The following TFDP1 variants were observed in gnomAD, a reference collection of about 807,000 sequenced individuals.
The protein encoded by TFDP1 is transcription factor Dp-1.
A neutral mutation model predicts 48.0 loss-of-function variants in TFDP1; 6 were observed. The observed-to-expected ratio is 0.13, with a 90% CI of 0.07 to 0.25. The LOEUF is 0.25. Ranked by LOEUF, TFDP1 falls within the 10% of genes least tolerant of loss-of-function variation. The pLI is 1.00. For missense variants in TFDP1, 335 were observed against 543.0 expected, an observed-to-expected ratio of 0.62 and a Z score of 3.81; for synonymous variants, 201 against 211.6, an observed-to-expected ratio of 0.95 and a Z score of 0.44.
chr13:113,628,809 A>G (rs571142056), intron 4 of TFDP1, among the ~76,000 whole-genome samples: 2 of 152,126 alleles, frequency 1.3e-5, no homozygotes, highest in African/African-American at 4.8e-5. Flanking sequence ...GCTTCTGCCC[A>G]CACACGCCCT....
At chr13:113,612,903 G>C (rs1233389229) in intron 3 of TFDP1, among the ~76,000 whole-genome samples, 3 of 152,314 alleles carry the variant, frequency 2.0e-5, no homozygotes, top group East Asian at 1.9e-4. Context: ...CCGGCCCCCA[G>C]ATCCCTCCCA....
At chr13:113,620,371 C>T (rs1055820920) in intron 3 of TFDP1, among the ~76,000 whole-genome samples, 54 of 152,218 alleles carry the variant, frequency 3.5e-4, no homozygotes, top group African/African-American at 1.1e-3. Context: ...CGGAAAGAGC[C>T]GCCTGGGCTG....
intron 2 of TFDP1, among the ~76,000 whole-genome samples, chr13:113,588,345 C>T (rs2048055227): frequency 6.6e-6 from 1 of 152,174 alleles, no homozygotes; most frequent in African/African-American, 2.4e-5. Context: ...CTGGTAGTCA[C>T]CATGGAGGAG....
At chr13:113,601,797 G>T (rs1005122954) in intron 2 of TFDP1, among the ~76,000 whole-genome samples, 2 of 152,228 alleles carry the variant, frequency 1.3e-5, no homozygotes, top group African/African-American at 2.4e-5. Context: ...AGGAGTTGAT[G>T]GGGGAGCAGA....
intron 3 of TFDP1, among the ~76,000 whole-genome samples, chr13:113,620,448 T>C (rs937160939): frequency 6.6e-6 from 1 of 152,266 alleles, no homozygotes; most frequent in Non-Finnish European, 1.5e-5. Context: ...TTCACATTTA[T>C]TGAAATTAGA....
At chr13:113,606,858 G>C (rs1326803760) in intron 2 of TFDP1, among the ~76,000 whole-genome samples, 1 of 152,196 alleles carries the variant, frequency 6.6e-6, no homozygotes, top group African/African-American at 2.4e-5. Flanking sequence ...CACCAAGATA[G>C]GCGCTTACAG....
intron 2 of TFDP1, among the ~76,000 whole-genome samples, chr13:113,586,922 C>G (rs1410406665): frequency 6.6e-6 from 1 of 152,234 alleles, no homozygotes; most frequent in Non-Finnish European, 1.5e-5. Context: ...GTACCATGCC[C>G]TGACCTCGTG....
chr13:113,593,990 TG>T (rs1183699850), intron 2 of TFDP1, among the ~76,000 whole-genome samples: 1 of 123,682 alleles, frequency 8.1e-6, no homozygotes, highest in East Asian at 2.7e-4. Flanking sequence ...GTGCTGTGTG[TG>T]GGTCCTCACC....
chr13:113,637,283 T>C lies in TFDP1; in HGVS notation c.1007-535T>C. 3.0e-5 allele frequency: 8 copies of C among 268,284 alleles called. No individual in the cohort carries two copies. The South Asian group carries it at 3.1e-4, about 11-fold the overall frequency. 16.6% of individuals were successfully genotyped at this position (268,284 alleles called of 1,614,324 possible). A position where few individuals can be genotyped will look rare whatever the true frequency, so the allele number is the denominator to read the frequency against. On this transcript the variant is annotated intron_variant, in intron 10 of 11. Coordinates refer to ENST00000375370, the MANE Select transcript of TFDP1 (RefSeq NM_007111.5). ...GGTGTCATATCTGCTGATCCTTCTC[T>C]TGTTAGCCTAAACTTGGGGTGTAGA...
At position 113,640,785 on chromosome 13, in the gene TFDP1, T is replaced by G. The variant is rs1024526654; in HGVS notation, c.*518T>G. 5 of 160,980 alleles carry G rather than the reference T, an allele frequency of 3.1e-5. No individual in the cohort carries two copies. The highest frequency in any genetic ancestry group is 1.2e-4 in the African/African-American group (5 of 41,482). 10.0% of individuals were successfully genotyped at this position (160,980 alleles called of 1,614,324 possible). On this transcript the variant is annotated 3_prime_UTR_variant, in exon 12 of 12. Transcript: ENST00000375370. ...AACAGCCCCAAGCAAACAGCAGAAT[T>G]CAACTTTTTAAACAATAAACACCAT...
At chr13:113,637,590 T>A in intron 10 of TFDP1, 1 of 1,520,140 alleles carries the variant, frequency 6.6e-7, no homozygotes, top group Non-Finnish European at 8.8e-7. Context: ...TGTGCAGGTA[T>A]TTATTGCAAG....
At chr13:113,601,922 C>G (rs1420177487) in intron 2 of TFDP1, among the ~76,000 whole-genome samples, 1 of 133,784 alleles carries the variant, frequency 7.5e-6, no homozygotes, top group Non-Finnish European at 1.6e-5. Context: ...GAGCTACTCC[C>G]TCTGTAGCTC....
At chr13:113,634,460 G>T in intron 7 of TFDP1, 74 bp from the exon 8 acceptor site, 1 of 1,220,858 alleles carries the variant, frequency 8.2e-7, no homozygotes, top group South Asian at 1.3e-5. Context: ...GTGAGGATGT[G>T]AGGATGTGGG....
chr13:113,591,003 C>G (rs1303527420), intron 2 of TFDP1, among the ~76,000 whole-genome samples: 1 of 76,378 alleles, frequency 1.3e-5, no homozygotes, highest in Non-Finnish European at 2.3e-5. Flanking sequence ...GAGCGAGACT[C>G]TGTCTCAAAA....
At chr13:113,608,455 C>T (rs1180642032) in intron 2 of TFDP1, among the ~76,000 whole-genome samples, 1 of 152,188 alleles carries the variant, frequency 6.6e-6, no homozygotes, top group East Asian at 1.9e-4. Context: ...TCATCCTCCA[C>T]AGCTGGGACT....
Position 113,623,299 on chromosome 13 carries a change from C to T in TFDP1, c.186+13C>T. The T allele has an allele frequency of 6.3e-7, 1 of 1,596,732 alleles. No homozygotes were observed. The highest frequency in any genetic ancestry group is 1.1e-5 in the South Asian group (1 of 88,494). On this transcript the variant is annotated intron_variant, in intron 4 of 11. Transcript: ENST00000375370. This position sits in a 1 kb window ranked among gnomAD's most constrained non-coding sequence, Gnocchi z 5.2. ...TGCCCAGCAAGTGGTAAGCCTCCCG[C>T]AGGAGCGGACAGCCGGGATCTCGGT...
chr13:113,623,377 T>A lies in TFDP1; in HGVS notation c.186+91T>A. The A allele has an allele frequency of 7.8e-7, 1 of 1,277,694 alleles. No individual in the cohort carries two copies. The highest frequency in any genetic ancestry group is 1.1e-6 in the Non-Finnish European group (1 of 918,216). The allele number at this position is 1,277,694 out of a possible 1,614,324, so 79.1% of individuals were successfully genotyped here. On this transcript the variant is annotated intron_variant, in intron 4 of 11. Coordinates refer to ENST00000375370, the MANE Select transcript of TFDP1 (RefSeq NM_007111.5). The surrounding 1 kb of genome is among the most constrained non-coding windows in gnomAD (Gnocchi z 5.2). Reference sequence around the variant, plus strand: ...GGTTGGGGATGTTCCCAGGTGTGCCTGGATTTGGGCTCCAGTTGCAGCATG... The same window carrying A: ...GGTTGGGGATGTTCCCAGGTGTGCCAGGATTTGGGCTCCAGTTGCAGCATG...
In TFDP1 at chr13:113,623,081, ATC is replaced by A; in HGVS notation, c.80-95_80-94del. On this transcript the variant is annotated intron_variant, in intron 3 of 11. Transcript: ENST00000375370. The surrounding 1 kb of genome is among the most constrained non-coding windows in gnomAD (Gnocchi z 5.2). ...ACAGTACACGTGGGGAAAGCTAAGC[ATC>A]TCTAATTGCAAGCACCGTCTTGCAT... is the stretch of plus-strand genomic sequence containing the variant. 3.9e-6 allele frequency: 4 copies of A among 1,018,980 alleles called. No homozygotes were observed. The highest frequency in any genetic ancestry group is 4.4e-6 in the Non-Finnish European group (3 of 677,616). 63.1% of individuals were successfully genotyped at this position (1,018,980 alleles called of 1,614,324 possible). A position where few individuals can be genotyped will look rare whatever the true frequency, so the allele number is the denominator to read the frequency against.
At position 113,623,039 on chromosome 13, in the gene TFDP1, T is replaced by G; in HGVS notation, c.80-141T>G. On this transcript the variant is annotated intron_variant, in intron 3 of 11. Coordinates refer to ENST00000375370, the MANE Select transcript of TFDP1 (RefSeq NM_007111.5). The surrounding 1 kb of genome is among the most constrained non-coding windows in gnomAD (Gnocchi z 5.2). ...TCAAGCTTCATGGAGGTGTTGCTCT[T>G]GAGCCCTGGATTTGAGACAGTACAC... 2.8e-5 allele frequency: 21 copies of G among 740,926 alleles called. No individual in the cohort carries two copies. Among genetic ancestry groups the G allele is most frequent in the East Asian group, 8.3e-5 (3 of 36,054 alleles). 45.9% of individuals were successfully genotyped at this position (740,926 alleles called of 1,614,324 possible).
Sources: gnomAD v4.1 joint callset for allele counts (sites outside exome capture counted in the v4.1 genomes callset) on GRCh38, gnomAD v4.1.1 for gene constraint, Gnocchi (gnomAD v3.1) non-coding constraint, MANE v1.5 for transcripts, NCBI Gene and HGNC (gene_info 2026-07-23, HGNC 2026-07-21) for gene names.